Variants in NUP205 observed in about 807,000 individuals in gnomAD.
NUP205 encodes the protein nucleoporin 205, also known as nuclear pore complex protein Nup205.
A neutral mutation model predicts 253.8 loss-of-function variants in NUP205; 76 were observed. That is an observed-to-expected ratio of 0.30 (90% CI 0.25 to 0.36). The LOEUF is 0.36. NUP205 is among the 10% of genes least tolerant of loss of function. The pLI is 1.00. For missense variants in NUP205, 2,162 were observed against 2,425.5 expected (o/e 0.89, Z 2.28); for synonymous variants, 832 against 850.1 (o/e 0.98, Z 0.37).
chr7:135,584,309 G>A (rs1806398098), intron 7 of NUP205, among the ~76,000 whole-genome samples: 1 of 152,054 alleles, frequency 6.6e-6, no homozygotes, highest in East Asian at 1.9e-4. Context: ...ATATATATTG[G>A]ATATTTTCCA....
At chr7:135,567,934 G>A (rs929314214) in intron 1 of NUP205, among the ~76,000 whole-genome samples, 2 of 152,044 alleles carry the variant, frequency 1.3e-5, no homozygotes, top group African/African-American at 4.8e-5. Flanking sequence ...TCTAAAATCA[G>A]TTTAGTAGGG....
Position 135,594,735 on chromosome 7 carries a change from G to A in NUP205, c.2013+6G>A. On this transcript the variant is annotated splice_donor_region_variant and intron_variant, in intron 13 of 42. Transcript: ENST00000285968. ...AGTCATTGGAATACACTCAGGTAGG[G>A]CTCTGAAGTCCCTTATTTATATTAT... 2 of 1,602,482 alleles carry A rather than the reference G, an allele frequency of 1.2e-6. No homozygotes were observed. Among genetic ancestry groups the A allele is most frequent in the South Asian group, 1.1e-5 (1 of 89,268 alleles).
Position 135,573,650 on chromosome 7 carries a change from G to T in NUP205, c.172-4G>T. 6.2e-7 allele frequency: 1 copy of T among 1,605,116 alleles called. No homozygotes were observed. The highest frequency in any genetic ancestry group is 8.5e-7 in the Non-Finnish European group (1 of 1,177,210). On this transcript the variant is annotated splice_region_variant and splice_polypyrimidine_tract_variant and intron_variant, in intron 2 of 42. Coordinates refer to ENST00000285968, the MANE Select transcript of NUP205 (RefSeq NM_015135.3). ...TCATAACAATTACAATTTTATCATT[G>T]TAGCCAAAAAATGTTCAACAGCATG...
chr7:135,607,419 C>A lies in NUP205; in HGVS notation c.3195+48C>A, dbSNP rs200968290. 35 of 1,597,328 alleles carry A rather than the reference C, an allele frequency of 2.2e-5. No homozygotes were observed. In the African/African-American group the frequency reaches 3.1e-4, roughly 14 times the overall value. On this transcript the variant is annotated intron_variant, in intron 22 of 42. Transcript: ENST00000285968. ...TGGTACTGAATAGAAGAAACTTGAC[C>A]AGGTGCATGAGTACGCCACAGATAT...
intron 7 of NUP205, among the ~76,000 whole-genome samples, chr7:135,582,435 G>T (rs1806332718): frequency 6.6e-6 from 1 of 152,120 alleles, no homozygotes; most frequent in Non-Finnish European, 1.5e-5. Flanking sequence ...TCATACCAAA[G>T]AATTAAGACA....
At chr7:135,624,526 C>T (rs1040542409) in intron 31 of NUP205, among the ~76,000 whole-genome samples, 1 of 152,154 alleles carries the variant, frequency 6.6e-6, no homozygotes, top group Non-Finnish European at 1.5e-5. Flanking sequence ...CAGGTGCCCA[C>T]CACCACGCCC....
Position 135,645,666 on chromosome 7 carries a change from T to C in NUP205, c.5812+70T>C, listed in dbSNP as rs1794993639. The C allele has an allele frequency of 6.7e-6, 10 of 1,490,716 alleles. No homozygotes were observed. The South Asian group carries it at 1.1e-4, about 17-fold the overall frequency. The allele number at this position is 1,490,716 out of a possible 1,614,324, so 92.3% of individuals were successfully genotyped here. A position where few individuals can be genotyped will look rare whatever the true frequency, so the allele number is the denominator to read the frequency against. On this transcript the variant is annotated intron_variant, in intron 41 of 42. Coordinates refer to ENST00000285968, the MANE Select transcript of NUP205 (RefSeq NM_015135.3). ...TGCCTTGAAAAGCTAGTACCAGTTT[T>C]TTTTTATTTTTGTTTCCAGATTACT...
At chr7:135,582,209 T>C (rs2129489959) in intron 7 of NUP205, among the ~76,000 whole-genome samples, 1 of 152,164 alleles carries the variant, frequency 6.6e-6, no homozygotes, top group East Asian at 1.9e-4. Flanking sequence ...TGGCTGAAAC[T>C]GGGAGGCAGA....
chr7:135,588,292 C>T (rs908012601), intron 10 of NUP205, among the ~76,000 whole-genome samples: 1 of 147,430 alleles, frequency 6.8e-6, no homozygotes, highest in South Asian at 2.2e-4. Flanking sequence ...AGGCATACAC[C>T]ACCACACCCG....
intron 5 of NUP205, 58 bp downstream of exon 5, chr7:135,577,186 A>G (rs1806175694): frequency 3.4e-6 from 5 of 1,485,360 alleles, no homozygotes; most frequent in Non-Finnish European, 4.6e-6. Flanking sequence ...AGGCAGAAAC[A>G]TGACAATTAG....
At chr7:135,642,450 T>A (rs1289502353) in intron 38 of NUP205, among the ~76,000 whole-genome samples, 1 of 151,998 alleles carries the variant, frequency 6.6e-6, no homozygotes, top group African/African-American at 2.4e-5. Flanking sequence ...GCCTTCCAAA[T>A]TGTTGACAGG....
At chr7:135,594,480 A>T in intron 12 of NUP205, 67 bp from the exon 13 acceptor site, 1 of 1,226,818 alleles carries the variant, frequency 8.2e-7, no homozygotes, top group Non-Finnish European at 1.2e-6. Context: ...AGCAATTTAG[A>T]TGATTGCTGG....
chr7:135,587,902 A>G lies in NUP205; in HGVS notation c.1383A>G (p.Leu461=), dbSNP rs1315851298. 2.8e-5 allele frequency: 45 copies of G among 1,613,824 alleles called. No homozygotes were observed. The highest frequency in any genetic ancestry group is 3.6e-5 in the Non-Finnish European group (43 of 1,179,918). The change falls in exon 10 of 43, where the codon CTA becomes CTG. Residue 461 remains leucine, a synonymous_variant. Coordinates refer to ENST00000285968, the MANE Select transcript of NUP205 (RefSeq NM_015135.3). ...KKNPFHLELA[L]EYWCPTEPLQ... ...ACCCTTTTCATCTGGAGCTTGCTCT[A>G]GAATATTGGTGTCCCACAGAGCCTC...
chr7:135,586,194 C>A (rs528686682), intron 8 of NUP205, among the ~76,000 whole-genome samples: 1 of 152,216 alleles, frequency 6.6e-6, no homozygotes, highest in East Asian at 1.9e-4. Flanking sequence ...GGTACCATAC[C>A]TCCTGAAAAG....
chr7:135,571,375 C>A, intron 2 of NUP205, 128 bp downstream of exon 2: 1 of 454,070 alleles, frequency 2.2e-6, no homozygotes, highest in Non-Finnish European at 3.4e-6. Context: ...GTGCCACAGT[C>A]TCATGAGGTC....
intron 8 of NUP205, 136 bp downstream of exon 8, chr7:135,585,143 C>T (rs1158937356): frequency 6.4e-6 from 4 of 627,988 alleles, no homozygotes; most frequent in East Asian, 2.8e-5. Context: ...AGCTGTATTA[C>T]ATCTTGTGAA....
At chr7:135,578,080 G>A in intron 6 of NUP205, 56 bp downstream of exon 6, 1 of 1,306,636 alleles carries the variant, frequency 7.7e-7, no homozygotes, top group Non-Finnish European at 1.1e-6. Flanking sequence ...AAATTGTGGG[G>A]ATAACATTTA....
intron 7 of NUP205, among the ~76,000 whole-genome samples, chr7:135,581,286 A>G (rs1399975312): frequency 2.6e-5 from 4 of 152,202 alleles, no homozygotes; most frequent in Admixed American, 2.0e-4. Flanking sequence ...CCTCATGCCT[A>G]TAATCCCAGC....
rs140370404 is a variant in NUP205, at chr7:135,619,879, T to G, written c.4321T>G (p.Leu1441Val). ...CCAGAGACCTGATGAACCAGACACC[T>G]TAGAAGCAGGTAGAATGAGATCAAT... is the stretch of plus-strand genomic sequence containing the variant. The part of the protein sequence containing the change: ...IAQRPDEPDT[L>V]EAAKKTMWER... Residue 1441 changes from leucine (L) to valine (V), a missense_variant, in exon 30 of 43, where the codon TTA becomes GTA. By Grantham distance (32) the Leu-to-Val change is conservative. Coordinates refer to ENST00000285968, the MANE Select transcript of NUP205 (RefSeq NM_015135.3). 8 of 1,603,310 alleles carry G rather than the reference T, an allele frequency of 5.0e-6. No homozygotes were observed. Among genetic ancestry groups the G allele is most frequent in the Non-Finnish European group, 8.5e-7 (1 of 1,170,770 alleles).
Sources: gnomAD v4.1 joint callset for allele counts (sites outside exome capture counted in the v4.1 genomes callset) on GRCh38, gnomAD v4.1.1 for gene constraint, MANE v1.5 for transcripts, NCBI Gene and HGNC (gene_info 2026-07-23, HGNC 2026-07-21) for gene names.